Variants in AGTRAP observed in about 807,000 individuals in gnomAD.
The protein encoded by AGTRAP is type-1 angiotensin II receptor-associated protein.
A neutral mutation model predicts 15.2 loss-of-function variants in AGTRAP; 7 were observed. The ratio of observed to expected loss-of-function variants is 0.46; its 90% CI spans 0.26 to 0.87. AGTRAP has a LOEUF of 0.87. AGTRAP is among the 40% of genes least tolerant of loss of function. The pLI, the probability that AGTRAP is intolerant of heterozygous loss-of-function variation, is 0.15. For missense variants in AGTRAP, 187 were observed against 213.4 expected (o/e 0.88, Z 0.77); for synonymous variants, 74 against 89.6 (o/e 0.83, Z 0.98).
intron 2 of AGTRAP, among the ~76,000 whole-genome samples, chr1:11,746,882 T>C (rs1175060919): frequency 6.6e-6 from 1 of 152,108 alleles, no homozygotes; most frequent in Non-Finnish European, 1.5e-5. Flanking sequence ...GGGCCTTGTG[T>C]TAGGAAAGTG....
At chr1:11,737,884 CCAGT>C (rs1641939151) in intron 1 of AGTRAP, among the ~76,000 whole-genome samples, 1 of 152,136 alleles carries the variant, frequency 6.6e-6, no homozygotes. Context: ...TTAGCCGCTA[CCAGT>C]CAGAGACAAC....
In AGTRAP at chr1:11,745,327, G is replaced by A. The variant is rs922793671; in HGVS notation, c.28-476G>A. Among the ~76,000 whole-genome samples the A allele has an allele frequency of 2.6e-5, 4 of 152,170 alleles. No homozygotes were observed. The highest frequency in any genetic ancestry group is 2.9e-5 in the Non-Finnish European group (2 of 68,030). On this transcript the variant is annotated intron_variant, in intron 1 of 4. Transcript: ENST00000314340. This position sits in a 1 kb window ranked among gnomAD's most constrained non-coding sequence, Gnocchi z 4.2. Reference sequence around the variant, plus strand: ...GTGAGGACAACCAGAGGTTACTCTCGTGGCCATCTTGATTTGGGTGGGTTT... The same window carrying A: ...GTGAGGACAACCAGAGGTTACTCTCATGGCCATCTTGATTTGGGTGGGTTT...
chr1:11,736,516 C>T (rs1019251859), intron 1 of AGTRAP, among the ~76,000 whole-genome samples: 1 of 152,196 alleles, frequency 6.6e-6, no homozygotes, highest in Admixed American at 6.5e-5. Context: ...CGGGCAGCGC[C>T]GGTCCCAGCA....
chr1:11,746,205 A>G, intron 2 of AGTRAP: 2 of 1,611,694 alleles, frequency 1.2e-6, no homozygotes, highest in Non-Finnish European at 1.7e-6. Flanking sequence ...TTCGAAGTGC[A>G]GCGCACAGGG....
chr1:11,741,508 C>A (rs1343304812), intron 1 of AGTRAP, among the ~76,000 whole-genome samples: 2 of 152,192 alleles, frequency 1.3e-5, no homozygotes, highest in South Asian at 4.1e-4. Flanking sequence ...AAACTTAACA[C>A]CGTTTATCAC....
At chr1:11,736,418 G>A (rs1641897742) in intron 1 of AGTRAP, among the ~76,000 whole-genome samples, 183 bp downstream of exon 1, 1 of 152,224 alleles carries the variant, frequency 6.6e-6, no homozygotes, top group Admixed American at 6.5e-5. Context: ...AGTGATCCAG[G>A]CACAGGCCAG....
Position 11,745,834 on chromosome 1 carries a change from C to A in AGTRAP, c.59C>A (p.Thr20Asn), listed in dbSNP as rs1214871145. 6.2e-7 allele frequency: 1 copy of A among 1,614,082 alleles called. No homozygotes were observed. The highest frequency in any genetic ancestry group is 1.3e-5 in the African/African-American group (1 of 74,992). ...VILLGHWLLT[T>N]WGCIVFSGSY... ...CTCCTAGGTCACTGGCTGCTGACAA[C>A]CTGGTAAGTGACTCTGTGGGTATCT... Residue 20 changes from threonine to asparagine, a missense_variant, in exon 2 of 5, where the codon ACC becomes AAC. Physicochemically the swap from Thr to Asn is moderately conservative, Grantham distance 65. Transcript: ENST00000314340. This position sits in a 1 kb window ranked among gnomAD's most constrained non-coding sequence, Gnocchi z 4.2.
chr1:11,746,438 A>G (rs1275026110), intron 2 of AGTRAP: 1 of 526,914 alleles, frequency 1.9e-6, no homozygotes, highest in African/African-American at 1.9e-5. Flanking sequence ...TGTCTTCTGC[A>G]TGTTACACTT....
intron 2 of AGTRAP, chr1:11,746,239 T>C: frequency 6.3e-7 from 1 of 1,585,878 alleles, no homozygotes; most frequent in Non-Finnish European, 8.6e-7. Context: ...TAATGTGAAC[T>C]GTAACCATCA....
Position 11,748,512 on chromosome 1 carries a change from TG to T in AGTRAP, c.269del (p.Gly90AlafsTer102). 3 of 1,612,932 alleles carry T rather than the reference TG, an allele frequency of 1.9e-6. 1 individual carries two copies. The South Asian group carries it at 3.3e-5, about 18-fold the overall frequency. On this transcript the variant is annotated frameshift_variant, in exon 4 of 5. Transcript: ENST00000314340. LOFTEE classifies it high-confidence loss of function. ...VSLTDTGRFGVGMAILSLLLK... is the reference protein window; with the variant it reads ...VSLTDTGRFGXGMAILSLLLK... The stretch of plus-strand genomic sequence containing the variant: ...CTCACGGACACGGGCCGCTTTGGCG[TG>T]GGCATGGCCATCCTCAGCTTGCTGC...
chr1:11,746,567 C>T (rs1642169116), intron 2 of AGTRAP: 1 of 221,990 alleles, frequency 4.5e-6, no homozygotes, highest in East Asian at 1.1e-4. Context: ...TTCCTTGCAG[C>T]ACAGCAGGGT....
chr1:11,741,084 C>T (rs568901977), intron 1 of AGTRAP, among the ~76,000 whole-genome samples: 1 of 152,036 alleles, frequency 6.6e-6, no homozygotes, highest in Admixed American at 6.5e-5. Flanking sequence ...CTCCTCCACT[C>T]CCCTCACCTT....
Position 11,746,486 on chromosome 1 carries a change from A to C in AGTRAP, c.62+649A>C, listed in dbSNP as rs1570345528. 8 of 383,430 alleles carry C rather than the reference A, an allele frequency of 2.1e-5. No individual in the cohort carries two copies. In the East Asian group the frequency reaches 4.0e-4, roughly 19 times the overall value. The allele number at this position is 383,430 out of a possible 1,614,324, so 23.8% of individuals were successfully genotyped here. On this transcript the variant is annotated intron_variant, in intron 2 of 4. Transcript: ENST00000314340. ...TATAAATCTAGGAAGCGCCCGCTGC[A>C]TGCAGGGGAAGGCAAGGCCCAGTGG...
chr1:11,739,292 T>A (rs1055275052), intron 1 of AGTRAP, among the ~76,000 whole-genome samples: 1 of 152,188 alleles, frequency 6.6e-6, no homozygotes, highest in African/African-American at 2.4e-5. Context: ...GGCTCACACC[T>A]GTAATCCTAG....
At chr1:11,743,005 G>C (rs544805614) in intron 1 of AGTRAP, among the ~76,000 whole-genome samples, 1 of 152,242 alleles carries the variant, frequency 6.6e-6, no homozygotes, top group African/African-American at 2.4e-5. Context: ...AACTTCTAGG[G>C]CCCTCATTGA....
At chr1:11,747,404 G>A in intron 2 of AGTRAP, 36 bp from the exon 3 acceptor site, 2 of 1,590,108 alleles carry the variant, frequency 1.3e-6, no homozygotes, top group South Asian at 1.1e-5. Flanking sequence ...GCGGGGTGGT[G>A]GCCTCCTGAC....
intron 1 of AGTRAP, among the ~76,000 whole-genome samples, chr1:11,737,116 C>A (rs952130967): frequency 6.6e-6 from 1 of 152,192 alleles, no homozygotes; most frequent in East Asian, 1.9e-4. Context: ...ACTAAAGGAA[C>A]CTGAGAAATA....
chr1:11,748,480 G>A lies in AGTRAP; in HGVS notation c.234G>A (p.Arg78=). 1 of 1,613,794 alleles carries A rather than the reference G, an allele frequency of 6.2e-7. No homozygotes were observed. Among genetic ancestry groups the A allele is most frequent in the Non-Finnish European group, 8.5e-7 (1 of 1,180,022 alleles). Reference sequence around the variant, plus strand: ...TGCACATCAGCATCTTCTACCCGCGGGTCAGCCTCACGGACACGGGCCGCT... The same window carrying A: ...TGCACATCAGCATCTTCTACCCGCGAGTCAGCCTCACGGACACGGGCCGCT... The part of the protein sequence containing the change: ...DIVHISIFYP[R]VSLTDTGRFG... The change falls in exon 4 of 5, where the codon CGG becomes CGA. Residue 78 remains arginine, a synonymous_variant. Coordinates refer to ENST00000314340, the MANE Select transcript of AGTRAP (RefSeq NM_020350.5).
chr1:11,744,277 A>T (rs939239574), intron 1 of AGTRAP, among the ~76,000 whole-genome samples: 1 of 152,178 alleles, frequency 6.6e-6, no homozygotes, highest in African/African-American at 2.4e-5. Flanking sequence ...CCTGTCTCCA[A>T]ATTTAAAAAG....
Sources: allele counts gnomAD v4.1 joint callset (sites outside exome capture counted in the v4.1 genomes callset), GRCh38; gene constraint gnomAD v4.1.1; non-coding constraint Gnocchi (gnomAD v3.1); transcripts MANE v1.5; gene names NCBI Gene and HGNC (gene_info 2026-07-23, HGNC 2026-07-21).